MAX: variants seen among roughly 807,000 people sequenced by gnomAD.
The protein encoded by MAX is MYC associated transcriptional regulator X.
In MAX, 3 loss-of-function variants were observed where a neutral mutation model predicts 22.3. The observed-to-expected ratio is 0.13, with a 90% CI of 0.06 to 0.35. MAX has a LOEUF of 0.35. MAX is among the 10% of genes least tolerant of loss of function. MAX has a pLI of 1.00. For synonymous variants in MAX, 72 were observed against 77.7 expected (o/e 0.93, Z 0.39); for missense variants, 119 against 209.4 (o/e 0.57, Z 2.66).
In MAX at chr14:65,078,350, C is replaced by T. The variant is rs899172221; in HGVS notation, c.172-314G>A. ...CTGAGTAGCTAGGATTATAGGTGTGCGCCACCACGCCCATCTAATTTTTTT... is the reference window on the plus strand; with the variant it reads ...CTGAGTAGCTAGGATTATAGGTGTGTGCCACCACGCCCATCTAATTTTTTT... On this transcript the variant is annotated intron_variant, in intron 3 of 4. Coordinates refer to ENST00000358664, the MANE Select transcript of MAX (RefSeq NM_002382.5). The surrounding 1 kb of genome is among the most constrained non-coding windows in gnomAD (Gnocchi z 6.4). Among the ~76,000 whole-genome samples, 13 of 151,126 alleles carry T rather than the reference C, an allele frequency of 8.6e-5. No homozygotes were observed. Among genetic ancestry groups the T allele is most frequent in the African/African-American group, 1.9e-4 (8 of 41,062 alleles).
intron 3 of MAX, among the ~76,000 whole-genome samples, chr14:65,059,532 C>T (rs1178495934): frequency 6.6e-6 from 1 of 151,960 alleles, no homozygotes; most frequent in Non-Finnish European, 1.5e-5. Context: ...TGGCAGTTTT[C>T]CTGGTTTTTA....
rs1879546347 is a variant in MAX, at chr14:65,007,897, C to T, written c.172-1613G>A. ...CAGAAGTGAGAAATATTGATAATGT[C>T]CCTGTGCTAATAGAGCCCTGGAGGT... On this transcript the variant is annotated intron_variant, in intron 3 of 3. Coordinates refer to the MAX transcript ENST00000341653. This position sits in a 1 kb window ranked among gnomAD's most constrained non-coding sequence, Gnocchi z 4.9. Among the ~76,000 whole-genome samples the T allele has an allele frequency of 6.6e-6, 1 of 152,176 alleles. No homozygotes were observed. The highest frequency in any genetic ancestry group is 6.5e-5 in the Admixed American group (1 of 15,282).
In MAX at chr14:65,076,639, G is replaced by A. The variant is rs876660073; in HGVS notation, c.320C>T (p.Ser107Leu). ...GTAGTTGGTCTGCAGTTGGGCACTT[G>A]ACCTCGCCTTCTCCAGTGCACGGAC... is the stretch of plus-strand genomic sequence containing the variant. ...QQVRALEKAR[S>L]SAQLQTNYPS... The change falls in exon 5 of 5, where the codon TCA (serine) becomes TTA (leucine). Residue 107 changes from serine (S) to leucine (L), a missense_variant. Transcript: ENST00000358664. The surrounding 1 kb of genome is among the most constrained non-coding windows in gnomAD (Gnocchi z 6.6). 3.1e-6 allele frequency: 5 copies of A among 1,614,186 alleles called. No individual in the cohort carries two copies. Among genetic ancestry groups the A allele is most frequent in the Non-Finnish European group, 4.2e-6 (5 of 1,180,038 alleles).
chr14:65,059,318 C>T (rs2062810079), intron 3 of MAX, among the ~76,000 whole-genome samples: 1 of 151,978 alleles, frequency 6.6e-6, no homozygotes, highest in South Asian at 2.1e-4. Context: ...TTGTACCTGG[C>T]CCCCGCACTA....
rs2063156341 is a variant in MAX at position 65,079,729 on chromosome 14, A to G, written c.172-1693T>C. Among the ~76,000 whole-genome samples, 1 of 152,208 alleles carries G rather than the reference A, an allele frequency of 6.6e-6. No individual in the cohort carries two copies. The highest frequency in any genetic ancestry group is 2.4e-5 in the African/African-American group (1 of 41,456). ...CATGTACACCGTGGCTAGCAAAACC[A>G]GATCTACTCATATTAAATCCTAACA... On this transcript the variant is annotated intron_variant, in intron 3 of 4. Coordinates refer to ENST00000358664, the MANE Select transcript of MAX (RefSeq NM_002382.5). This position sits in a 1 kb window ranked among gnomAD's most constrained non-coding sequence, Gnocchi z 4.5.
Position 65,043,923 on chromosome 14 carries a change from G to A in MAX, c.172-37639C>T, listed in dbSNP as rs372521060. Among the ~76,000 whole-genome samples, 9 of 148,702 alleles carry A rather than the reference G, an allele frequency of 6.1e-5. No individual in the cohort carries two copies. The East Asian group carries it at 1.6e-3, about 26-fold the overall frequency. ...AAACTCCCCGGAGCAGGGAAGTAAT[G>A]AGAAATGAGCTACTGGTAGTCTTGC... is the stretch of plus-strand genomic sequence containing the variant. On this transcript the variant is annotated intron_variant, in intron 3 of 3. Coordinates refer to the MAX transcript ENST00000341653.
chr14:65,067,184 T>TAA (rs111423249), intron 3 of MAX, among the ~76,000 whole-genome samples: 13,876 of 133,278 alleles, frequency 0.1, 1,077 homozygotes, highest in African/African-American at 0.22. Flanking sequence ...GACCCTGTCT[T>TAA]AAAAAAAAAA....
chr14:65,033,897 T>A (rs1287302868), intron 3 of MAX, among the ~76,000 whole-genome samples: 1 of 152,198 alleles, frequency 6.6e-6, no homozygotes, highest in African/African-American at 2.4e-5. Flanking sequence ...ATATATACTA[T>A]GATGGAATGA....
rs985371381 is a variant in MAX at position 65,028,988 on chromosome 14, AT to A, written c.172-22705del. ...TCATATACCTTTTGCAGCTGTGATT[AT>A]TTGCTATCTTATTCATTCCAGCACT... On this transcript the variant is annotated intron_variant, in intron 3 of 3. Coordinates refer to the MAX transcript ENST00000341653. This position sits in a 1 kb window ranked among gnomAD's most constrained non-coding sequence, Gnocchi z 4.4. 6.6e-6 allele frequency among the ~76,000 whole-genome samples: 1 copy of A among 152,104 alleles called. No individual in the cohort carries two copies. Among genetic ancestry groups the A allele is most frequent in the Non-Finnish European group, 1.5e-5 (1 of 68,008 alleles).
Position 65,077,240 on chromosome 14 carries a change from CT to C in MAX, c.296-578del. ...GTAACCAACCCACTGACACCACCCA[CT>C]GCCCATCCCTTGGTTCAGCTCAGCT... is the stretch of plus-strand genomic sequence containing the variant. On this transcript the variant is annotated intron_variant, in intron 4 of 4. Transcript: ENST00000358664. The surrounding 1 kb of genome is among the most constrained non-coding windows in gnomAD (Gnocchi z 6.3). The C allele has an allele frequency of 1.2e-6, 1 of 851,506 alleles. No individual in the cohort carries two copies. Among genetic ancestry groups the C allele is most frequent in the Non-Finnish European group, 1.9e-6 (1 of 517,750 alleles). 52.7% of individuals were successfully genotyped at this position (851,506 alleles called of 1,614,324 possible). A position where few individuals can be genotyped will look rare whatever the true frequency, so the allele number is the denominator to read the frequency against.
At chr14:65,081,070 C>CGT (rs2063187051) in intron 3 of MAX, among the ~76,000 whole-genome samples, 1 of 152,184 alleles carries the variant, frequency 6.6e-6, no homozygotes, top group Non-Finnish European at 1.5e-5. Flanking sequence ...GTCTTGGGAA[C>CGT]AACAGGAGTC....
At chr14:65,034,892 G>A (rs1040374200) in intron 3 of MAX, among the ~76,000 whole-genome samples, 4 of 152,168 alleles carry the variant, frequency 2.6e-5, no homozygotes, top group Non-Finnish European at 4.4e-5. Context: ...ACAACAGAAC[G>A]GTATGGATTC....
rs2063128963 is a variant in MAX, at chr14:65,078,698, T to A, written c.172-662A>T. Reference sequence around the variant, plus strand: ...GTACATGCCACGTTGCCTGGCTAATTTTTACATTTTTAATAAAGATGGGGT... The same window carrying A: ...GTACATGCCACGTTGCCTGGCTAATATTTACATTTTTAATAAAGATGGGGT... On this transcript the variant is annotated intron_variant, in intron 3 of 4. Coordinates refer to ENST00000358664, the MANE Select transcript of MAX (RefSeq NM_002382.5). The surrounding 1 kb of genome is among the most constrained non-coding windows in gnomAD (Gnocchi z 6.4). 6.6e-6 allele frequency among the ~76,000 whole-genome samples: 1 copy of A among 151,874 alleles called. No individual in the cohort carries two copies.
At chr14:65,100,489 T>C (rs1355027129) in intron 2 of MAX, among the ~76,000 whole-genome samples, 3 of 152,072 alleles carry the variant, frequency 2.0e-5, no homozygotes, top group African/African-American at 4.8e-5. Flanking sequence ...TAGGAAGATC[T>C]GGCAATACTG....
intron 3 of MAX, among the ~76,000 whole-genome samples, chr14:65,051,888 G>A (rs2062621465): frequency 2.0e-5 from 3 of 150,598 alleles, no homozygotes; most frequent in Non-Finnish European, 3.0e-5. Context: ...TCCGCCTCCT[G>A]GGTTCACGCC....
Position 65,076,939 on chromosome 14 carries a change from C to G in MAX, c.296-276G>C. The G allele has an allele frequency of 3.5e-6, 2 of 575,818 alleles. No homozygotes were observed. Among genetic ancestry groups the G allele is most frequent in the Non-Finnish European group, 6.2e-6 (2 of 322,256 alleles). The allele number at this position is 575,818 out of a possible 1,614,324, so 35.7% of individuals were successfully genotyped here. On this transcript the variant is annotated intron_variant, in intron 4 of 4. Coordinates refer to ENST00000358664, the MANE Select transcript of MAX (RefSeq NM_002382.5). This position sits in a 1 kb window ranked among gnomAD's most constrained non-coding sequence, Gnocchi z 6.6. Reference sequence around the variant, plus strand: ...GATGTCACCGTCCTGCCGTGGAAGCCCCGTGGAGAGACTGGAGCGTGAGCT... The same window carrying G: ...GATGTCACCGTCCTGCCGTGGAAGCGCCGTGGAGAGACTGGAGCGTGAGCT...
At chr14:65,037,751 T>C (rs1285895284) in intron 3 of MAX, among the ~76,000 whole-genome samples, 3 of 106,866 alleles carry the variant, frequency 2.8e-5, no homozygotes, top group Non-Finnish European at 5.7e-5. Context: ...ATTATTTATT[T>C]ATTTATTTAT....
chr14:65,071,689 G>A (rs1465151855), downstream of MAX, among the ~76,000 whole-genome samples: 2 of 152,228 alleles, frequency 1.3e-5, no homozygotes, highest in Non-Finnish European at 2.9e-5. This position sits in a 1 kb window ranked among gnomAD's most constrained non-coding sequence, Gnocchi z 4.2. Flanking sequence ...GTCCAGACAG[G>A]CGGGCTCAGA....
At chr14:65,068,590 TTC>T (rs772122967) in intron 3 of MAX, among the ~76,000 whole-genome samples, 14 of 152,352 alleles carry the variant, frequency 9.2e-5, no homozygotes, top group Middle Eastern at 3.4e-3. Context: ...TCATATTATG[TTC>T]CAATGCTACA....
Sources: gnomAD v4.1 joint callset for allele counts (sites outside exome capture counted in the v4.1 genomes callset) on GRCh38, gnomAD v4.1.1 for gene constraint, Gnocchi (gnomAD v3.1) non-coding constraint, MANE v1.5 for transcripts, NCBI Gene and HGNC (gene_info 2026-07-23, HGNC 2026-07-21) for gene names.